Variants in SLC36A1 observed in about 807,000 individuals in gnomAD.
The protein encoded by SLC36A1 is proton-coupled amino acid transporter 1.
In SLC36A1, 30 loss-of-function variants were observed where a neutral mutation model predicts 47.5. The ratio of observed to expected loss-of-function variants is 0.63; its 90% CI spans 0.47 to 0.86. The LOEUF is 0.86. Among genes scored for constraint, SLC36A1 ranks in the 40% least tolerant of loss-of-function variants. The pLI is 0.00. For missense variants in SLC36A1, 517 were observed against 606.0 expected, an observed-to-expected ratio of 0.85 and a Z score of 1.54; for synonymous variants, 255 against 249.7, an observed-to-expected ratio of 1.02 and a Z score of -0.20.
At chr5:151,377,803 A>G in the SLC36A1 span, among the ~76,000 whole-genome samples, 2 of 152,076 alleles carry the variant, frequency 1.3e-5, no homozygotes, top group Non-Finnish European at 2.9e-5. Context: ...TTTTGATTTA[A>G]TATCTATTTT....
At chr5:151,460,393 G>C (rs561705717) in intron 2 of SLC36A1, among the ~76,000 whole-genome samples, 3 of 152,198 alleles carry the variant, frequency 2.0e-5, no homozygotes, top group Non-Finnish European at 2.9e-5. Flanking sequence ...TAGGATAGTA[G>C]CTCATAGGTT....
the SLC36A1 span, chr5:151,510,457 G>C: frequency 3.6e-6 from 1 of 277,986 alleles, no homozygotes. Context: ...GCTAGTCACT[G>C]TTCCAAGGAT....
the SLC36A1 span, among the ~76,000 whole-genome samples, chr5:151,515,317 G>T: frequency 6.6e-6 from 1 of 152,182 alleles, no homozygotes; most frequent in East Asian, 1.9e-4. Context: ...ATGTTGGAGG[G>T]TCTCAAGGAG....
At chr5:151,551,185 A>G in the SLC36A1 span, among the ~76,000 whole-genome samples, 1 of 152,106 alleles carries the variant, frequency 6.6e-6, no homozygotes, top group African/African-American at 2.4e-5. Context: ...AGCCCCACTT[A>G]CCCAACCATC....
At chr5:151,506,042 C>G in the SLC36A1 span, 1 of 1,563,060 alleles carries the variant, frequency 6.4e-7, no homozygotes, top group Non-Finnish European at 8.6e-7. Context: ...GGGGGTATTC[C>G]CAGCGTTCGT....
chr5:151,514,302 C>T, the SLC36A1 span, among the ~76,000 whole-genome samples: 1 of 152,188 alleles, frequency 6.6e-6, no homozygotes, highest in African/African-American at 2.4e-5. Flanking sequence ...TCTGGGACCA[C>T]AAATCTGTTG....
At chr5:151,476,400 G>A (rs1191825730) in intron 8 of SLC36A1, among the ~76,000 whole-genome samples, 190 bp from the exon 9 acceptor site, 1 of 152,246 alleles carries the variant, frequency 6.6e-6, no homozygotes, top group Non-Finnish European at 1.5e-5. Flanking sequence ...TAGCTAGGCA[G>A]TGGGCTGCAG....
At chr5:151,542,348 T>A in the SLC36A1 span, 51 of 1,613,740 alleles carry the variant, frequency 3.2e-5, no homozygotes, top group Non-Finnish European at 4.3e-5. Context: ...GTCTTTAGAG[T>A]CGCCACCAGT....
chr5:151,467,657 C>T (rs1371033333), intron 6 of SLC36A1, 50 bp from the exon 7 acceptor site: 2 of 1,473,566 alleles, frequency 1.4e-6, no homozygotes, highest in Admixed American at 1.7e-5. Flanking sequence ...GATCCACCGG[C>T]CTCTGTTGTT....
chr5:151,357,728 T>C, the SLC36A1 span, among the ~76,000 whole-genome samples: 4 of 152,232 alleles, frequency 2.6e-5, no homozygotes, highest in African/African-American at 9.6e-5. Context: ...ACCATCTGGC[T>C]CTGTATAGAA....
At chr5:151,527,907 G>A in the SLC36A1 span, 1 of 1,519,194 alleles carries the variant, frequency 6.6e-7, no homozygotes, top group East Asian at 2.3e-5. Flanking sequence ...TCAGGATGGG[G>A]TCTTGACAGC....
At chr5:151,527,942 G>A in the SLC36A1 span, 1 of 1,590,174 alleles carries the variant, frequency 6.3e-7, no homozygotes, top group Non-Finnish European at 8.6e-7. Context: ...ACCTGCAGTG[G>A]GACTGTGTCT....
intron 1 of SLC36A1, among the ~76,000 whole-genome samples, chr5:151,458,311 CGTAT>C (rs1561737778): frequency 2.3e-5 from 1 of 43,902 alleles, no homozygotes; most frequent in Non-Finnish European, 4.2e-5. Context: ...CGTGTATATA[CGTAT>C]ATATATATAT....
At chr5:151,358,212 A>G in the SLC36A1 span, among the ~76,000 whole-genome samples, 1 of 152,128 alleles carries the variant, frequency 6.6e-6, no homozygotes, top group Non-Finnish European at 1.5e-5. Flanking sequence ...GCAGTGTCTT[A>G]TGCAAAGACC....
the SLC36A1 span, chr5:151,507,314 G>A: frequency 1.9e-6 from 3 of 1,614,198 alleles, no homozygotes; most frequent in African/African-American, 4.0e-5. Context: ...AGGCCTTGCT[G>A]GGTTCCGGTT....
the SLC36A1 span, among the ~76,000 whole-genome samples, chr5:151,398,759 G>T: frequency 6.6e-6 from 1 of 152,192 alleles, no homozygotes; most frequent in Non-Finnish European, 1.5e-5. Flanking sequence ...CTGGGAGCTG[G>T]TGGGTGCAGG....
chr5:151,461,387 GGGCAGATTTTTCT>G (rs1165398557), intron 2 of SLC36A1, among the ~76,000 whole-genome samples: 2 of 151,988 alleles, frequency 1.3e-5, no homozygotes, highest in Non-Finnish European at 2.9e-5. Context: ...TTATGCTGTT[GGGCAGATTTTTCT>G]TCTTGTTGCC....
chr5:151,494,805 C>T (rs551498097), downstream of SLC36A1, among the ~76,000 whole-genome samples: 48 of 152,232 alleles, frequency 3.2e-4, no homozygotes, highest in East Asian at 7.3e-3. Context: ...TTCTTTCTTC[C>T]TTTAAAACTC....
chr5:151,517,812 T>C, the SLC36A1 span: 24 of 1,607,606 alleles, frequency 1.5e-5, no homozygotes, highest in African/African-American at 1.6e-4. Context: ...GTGGTCCCCA[T>C]TGAGCCCTTG....
Sources: gnomAD v4.1 joint callset for allele counts (sites outside exome capture counted in the v4.1 genomes callset) on GRCh38, gnomAD v4.1.1 for gene constraint, MANE v1.5 for transcripts, NCBI Gene and HGNC (gene_info 2026-07-23, HGNC 2026-07-21) for gene names.